The following RGPD2 variants were observed in gnomAD, a reference collection of about 807,000 sequenced individuals.
RGPD2 encodes RANBP2-like and GRIP domain-containing protein 2.
In RGPD2, 2 loss-of-function variants were observed where a neutral mutation model predicts 36.0. The observed-to-expected ratio is 0.06, with a 90% confidence interval of 0.02 to 0.17. RGPD2 has a LOEUF of 0.17. Among genes scored for constraint, RGPD2 ranks in the 10% least tolerant of loss-of-function variants. The probability of loss-of-function intolerance (pLI) is 1.00; values close to 1 mark genes in which losing one functional copy is unlikely to be tolerated. For missense variants in RGPD2, 40 were observed against 464.3 expected, an observed-to-expected ratio of 0.09 and a Z score of 8.40; for synonymous variants, 19 against 163.8, an observed-to-expected ratio of 0.12 and a Z score of 6.75.
At chr2:87,962,534 G>T in the RGPD2 span, among the ~76,000 whole-genome samples, 13 of 152,270 alleles carry the variant, frequency 8.5e-5, no homozygotes, top group Admixed American at 2.0e-4. Context: ...TAACAGAAAT[G>T]ACATGTAAAG....
the RGPD2 span, among the ~76,000 whole-genome samples, chr2:87,853,688 C>T: frequency 5.3e-5 from 8 of 151,118 alleles, no homozygotes; most frequent in Non-Finnish European, 1.0e-4. Context: ...TTGGTATCAT[C>T]CCAAATATAC....
chr2:87,932,764 A>G, the RGPD2 span, among the ~76,000 whole-genome samples: 2 of 151,936 alleles, frequency 1.3e-5, no homozygotes, highest in Non-Finnish European at 2.9e-5. Flanking sequence ...CTTTAAGAGC[A>G]TTGAATTTTA....
At chr2:87,964,813 T>G in the RGPD2 span, among the ~76,000 whole-genome samples, 2 of 80,430 alleles carry the variant, frequency 2.5e-5, no homozygotes, top group Admixed American at 2.5e-4. Context: ...TTTTATTTAT[T>G]TATTTTTCTT....
At chr2:87,919,292 G>C in the RGPD2 span, among the ~76,000 whole-genome samples, 1 of 151,178 alleles carries the variant, frequency 6.6e-6, no homozygotes, top group South Asian at 2.1e-4. Flanking sequence ...CTCTAAAATA[G>C]AGACATCAAT....
chr2:87,934,319 T>G, the RGPD2 span, among the ~76,000 whole-genome samples: 1 of 144,834 alleles, frequency 6.9e-6, no homozygotes, highest in Non-Finnish European at 1.5e-5. Context: ...CATTAAAAAT[T>G]TTTGATATGT....
the RGPD2 span, among the ~76,000 whole-genome samples, chr2:87,843,859 A>G: frequency 1.3e-5 from 2 of 151,200 alleles, no homozygotes; most frequent in African/African-American, 4.9e-5. Context: ...TGGAACATAT[A>G]CACCATGGAA....
the RGPD2 span, among the ~76,000 whole-genome samples, chr2:87,973,968 C>T: frequency 2.2e-4 from 34 of 152,210 alleles, no homozygotes; most frequent in African/African-American, 7.7e-4. Context: ...TGTGTCTGAT[C>T]GCTCTGACAC....
At chr2:87,933,617 T>C in the RGPD2 span, among the ~76,000 whole-genome samples, 50,394 of 145,294 alleles carry the variant, frequency 0.35, 9,605 homozygotes, top group Non-Finnish European at 0.43. Context: ...TATTTAGTTA[T>C]TTATTTAAAT....
the RGPD2 span, among the ~76,000 whole-genome samples, chr2:87,940,514 G>C: frequency 7.2e-6 from 1 of 138,000 alleles, no homozygotes; most frequent in Non-Finnish European, 1.6e-5. Context: ...ATTTTCTCTT[G>C]TTTATGATTA....
the RGPD2 span, among the ~76,000 whole-genome samples, chr2:87,972,213 G>A: frequency 6.7e-6 from 1 of 150,296 alleles, no homozygotes; most frequent in African/African-American, 2.5e-5. Flanking sequence ...CAGGAGAAAG[G>A]ATATCCTATA....
At chr2:87,966,481 C>A in the RGPD2 span, among the ~76,000 whole-genome samples, 1 of 149,324 alleles carries the variant, frequency 6.7e-6, no homozygotes, top group Admixed American at 6.8e-5. Flanking sequence ...AAAGTGTTGA[C>A]CCTATGTCCC....
upstream of RGPD2, chr2:87,825,930 C>T (rs1444132862): frequency 1.1e-5 from 7 of 609,334 alleles, no homozygotes; most frequent in South Asian, 2.0e-5. Flanking sequence ...CTTGGCAGCA[C>T]CCTGTGCTCT....
At chr2:87,854,965 A>G in the RGPD2 span, among the ~76,000 whole-genome samples, 1 of 152,148 alleles carries the variant, frequency 6.6e-6, no homozygotes, top group African/African-American at 2.4e-5. Flanking sequence ...AAATTAATCA[A>G]CACTTCCATA....
intron 1 of RGPD2, among the ~76,000 whole-genome samples, chr2:87,824,367 A>G (rs1436165947): frequency 1.3e-5 from 2 of 152,072 alleles, no homozygotes; most frequent in African/African-American, 4.8e-5. Flanking sequence ...ATGGAAGACT[A>G]GAAAGATATG....
the RGPD2 span, among the ~76,000 whole-genome samples, chr2:87,836,503 C>A: frequency 1.3e-5 from 2 of 151,336 alleles, no homozygotes; most frequent in Non-Finnish European, 2.9e-5. Context: ...AGCCAAACTA[C>A]ACTTCATAAG....
At chr2:87,900,877 G>A in the RGPD2 span, among the ~76,000 whole-genome samples, 2 of 146,812 alleles carry the variant, frequency 1.4e-5, no homozygotes, top group African/African-American at 5.1e-5. Flanking sequence ...TTTGGATCAT[G>A]ACCTTCAAGT....
the RGPD2 span, among the ~76,000 whole-genome samples, chr2:87,874,071 T>C: frequency 6.6e-6 from 1 of 151,020 alleles, no homozygotes; most frequent in South Asian, 2.1e-4. Flanking sequence ...ATGGTTTTTT[T>C]TTTCTTGTAA....
chr2:87,915,430 T>C, the RGPD2 span, among the ~76,000 whole-genome samples: 6 of 141,646 alleles, frequency 4.2e-5, no homozygotes, highest in South Asian at 2.1e-4. Flanking sequence ...TATATGTATA[T>C]ATGTATGTGT....
chr2:87,832,941 T>TATAAATAA, the RGPD2 span, among the ~76,000 whole-genome samples: 2 of 142,728 alleles, frequency 1.4e-5, no homozygotes, highest in African/African-American at 2.6e-5. Flanking sequence ...AGTCTCTGTC[T>TATAAATAA]ATAAATAAAT....
Sources: allele counts gnomAD v4.1 joint callset (sites outside exome capture counted in the v4.1 genomes callset), GRCh38; gene constraint gnomAD v4.1.1; transcripts MANE v1.5; gene names NCBI Gene and HGNC (gene_info 2026-07-23, HGNC 2026-07-21).